The following MAOB variants were observed in gnomAD, a reference collection of about 807,000 sequenced individuals.
The protein encoded by MAOB is amine oxidase [flavin-containing] B.
Under a neutral mutation model 41.9 loss-of-function variants are expected in MAOB, and 15 were observed. The ratio of observed to expected loss-of-function variants is 0.36; its 90% CI spans 0.24 to 0.55. The LOEUF (loss-of-function observed/expected upper bound fraction) is 0.55. MAOB is among the 20% of genes least tolerant of loss of function. The pLI is 0.86. For missense variants in MAOB, 345 were observed against 398.7 expected, an observed-to-expected ratio of 0.87 and a Z score of 1.15; for synonymous variants, 167 against 144.2, an observed-to-expected ratio of 1.16 and a Z score of -1.13.
In MAOB at chrX:43,808,682, AT is replaced by A. The variant is rs1569218475; in HGVS notation, c.280-5279del. Among the ~76,000 whole-genome samples, 15 of 101,100 alleles carry A rather than the reference AT, an allele frequency of 1.5e-4. 1 individual carries two copies. The South Asian group carries it at 3.4e-3, about 23-fold the overall frequency. 87.8% of individuals were successfully genotyped at this position (101,100 alleles called of 115,157 possible). A position where few individuals can be genotyped will look rare whatever the true frequency, so the allele number is the denominator to read the frequency against. On this transcript the variant is annotated intron_variant, in intron 3 of 14. Coordinates refer to ENST00000378069, the MANE Select transcript of MAOB (RefSeq NM_000898.5). ...TATCTATATCTATATCTATATCTAT[AT>A]CTATATCTACACATAGACACACACA...
chrX:43,832,053 A>G (rs1366530524), intron 3 of MAOB, among the ~76,000 whole-genome samples: 1 of 112,113 alleles, frequency 8.9e-6, no homozygotes, highest in Non-Finnish European at 1.9e-5. Context: ...AAGCTGATCC[A>G]TTCCTGAATT....
intron 1 of MAOB, among the ~76,000 whole-genome samples, chrX:43,854,484 G>C (rs1258393105): frequency 2.7e-5 from 3 of 111,141 alleles, no homozygotes; most frequent in Admixed American, 9.6e-5. Context: ...GACACAGGGA[G>C]GGAAACATCA....
chrX:43,826,483 G>A (rs183369949), intron 3 of MAOB, among the ~76,000 whole-genome samples: 102 of 112,113 alleles, frequency 9.1e-4, no homozygotes, highest in African/African-American at 3.0e-3. Context: ...ATGCAGCAGT[G>A]GACAAAATGG....
At chrX:43,768,194 C>T (rs1431309211) in intron 14 of MAOB, among the ~76,000 whole-genome samples, 2 of 112,009 alleles carry the variant, frequency 1.8e-5, no homozygotes, top group African/African-American at 3.2e-5. Flanking sequence ...GCCAGGAAAA[C>T]TTCCTAGGAT....
At chrX:43,769,161 C>T in intron 13 of MAOB, 146 bp downstream of exon 13, 36 of 934,927 alleles carry the variant, frequency 3.9e-5, no homozygotes, top group Non-Finnish European at 5.0e-5. Context: ...GTTCACTTCA[C>T]CTGAGACAAT....
chrX:43,845,783 C>A (rs2035195739), intron 1 of MAOB, among the ~76,000 whole-genome samples: 1 of 112,368 alleles, frequency 8.9e-6, no homozygotes, highest in Non-Finnish European at 1.9e-5. Flanking sequence ...AATATGAGCC[C>A]ACATTAAAAA....
Position 43,868,661 on chromosome X carries a change from T to C in MAOB, c.46+13593A>G, listed in dbSNP as rs748581535. ...AAGGCCAGGAATATCATACCACCCA[T>C]GAATAAAACTAAAAAAGCTAGCAGA... On this transcript the variant is annotated intron_variant, in intron 1 of 14. Coordinates refer to ENST00000378069, the MANE Select transcript of MAOB (RefSeq NM_000898.5). Among the ~76,000 whole-genome samples the C allele has an allele frequency of 1.8e-3, 195 of 111,366 alleles. 1 individual carries two copies. Among genetic ancestry groups the C allele is most frequent in the African/African-American group, 6.1e-3 (187 of 30,618 alleles).
At chrX:43,792,927 G>A (rs1385014624) in intron 8 of MAOB, among the ~76,000 whole-genome samples, 1 of 111,938 alleles carries the variant, frequency 8.9e-6, no homozygotes, top group Non-Finnish European at 1.9e-5. Flanking sequence ...TGGAATCAAC[G>A]TAGGTGCCCA....
intron 3 of MAOB, among the ~76,000 whole-genome samples, chrX:43,818,498 T>A (rs1199720063): frequency 8.9e-6 from 1 of 112,290 alleles, no homozygotes; most frequent in African/African-American, 3.2e-5. Flanking sequence ...AAGTCCTGGA[T>A]GGATCCTTGC....
At position 43,846,984 on chromosome X, in the gene MAOB, C is replaced by T. The variant is rs776509455; in HGVS notation, c.47-3220G>A. Among the ~76,000 whole-genome samples, 9 of 112,193 alleles carry T rather than the reference C, an allele frequency of 8.0e-5. No individual in the cohort carries two copies. In the South Asian group the frequency reaches 3.0e-3, roughly 37 times the overall value. ...GCCTTAAAACATTAGACAATGTAAT[C>T]GCCACTGTTTAAACACTTATGCAAT... On this transcript the variant is annotated intron_variant, in intron 1 of 14. Coordinates refer to ENST00000378069, the MANE Select transcript of MAOB (RefSeq NM_000898.5).
At chrX:43,862,651 G>A (rs926491389) in intron 1 of MAOB, among the ~76,000 whole-genome samples, 4 of 112,077 alleles carry the variant, frequency 3.6e-5, no homozygotes, top group Admixed American at 9.5e-5. Flanking sequence ...ACCTGGGTGT[G>A]AAATCTGTAC....
At chrX:43,826,946 C>T (rs2034955010) in intron 3 of MAOB, among the ~76,000 whole-genome samples, 1 of 111,999 alleles carries the variant, frequency 8.9e-6, no homozygotes, top group South Asian at 3.8e-4. Flanking sequence ...ATGGAACTTG[C>T]CTTCTACCAG....
intron 3 of MAOB, among the ~76,000 whole-genome samples, chrX:43,805,238 T>G (rs183862318): frequency 9.0e-6 from 1 of 110,963 alleles, no homozygotes; most frequent in East Asian, 2.9e-4. Flanking sequence ...AGTTACCATG[T>G]TGTACAATAC....
intron 8 of MAOB, among the ~76,000 whole-genome samples, chrX:43,783,933 T>C (rs1050723981): frequency 3.6e-5 from 4 of 112,254 alleles, no homozygotes; most frequent in African/African-American, 1.3e-4. Flanking sequence ...AAATCCCTTC[T>C]TGTCATTTCA....
At chrX:43,840,508 G>A (rs1287511871) in intron 2 of MAOB, among the ~76,000 whole-genome samples, 1 of 111,243 alleles carries the variant, frequency 9.0e-6, no homozygotes, top group Non-Finnish European at 1.9e-5. Context: ...CAAGATGGTC[G>A]AATAGGAACA....
chrX:43,830,036 A>G (rs5952325), intron 3 of MAOB, among the ~76,000 whole-genome samples: 4,332 of 111,768 alleles, frequency 0.039, 166 homozygotes, highest in South Asian at 0.17. Flanking sequence ...ACAAGTTTAA[A>G]TAATATTTTG....
At position 43,832,252 on chromosome X, in the gene MAOB, T is replaced by G. The variant is rs151119235; in HGVS notation, c.279+6616A>C. On this transcript the variant is annotated intron_variant, in intron 3 of 14. Transcript: ENST00000378069. ...AGCTTTACTTGTTCATCAAGTACAATCATCTGGATAATCTGGAAGGCCAAC... is the reference window on the plus strand; with the variant it reads ...AGCTTTACTTGTTCATCAAGTACAAGCATCTGGATAATCTGGAAGGCCAAC... Among the ~76,000 whole-genome samples the G allele has an allele frequency of 3.4e-4, 38 of 112,294 alleles. No homozygotes were observed. In the East Asian group the frequency reaches 0.01, roughly 30 times the overall value.
chrX:43,838,777 T>C (rs2035098965), intron 3 of MAOB, 91 bp downstream of exon 3: 4 of 872,550 alleles, frequency 4.6e-6, no homozygotes, highest in Middle Eastern at 3.0e-4. Context: ...TCCAGAGATA[T>C]AGAAGATTCT....
intron 3 of MAOB, among the ~76,000 whole-genome samples, chrX:43,806,918 T>C (rs1296143544): frequency 1.8e-5 from 2 of 111,431 alleles, no homozygotes; most frequent in Non-Finnish European, 3.8e-5. Context: ...CCCATCCTTT[T>C]GTCTGTTGAG....
Sources: allele counts gnomAD v4.1 joint callset (sites outside exome capture counted in the v4.1 genomes callset), GRCh38; gene constraint gnomAD v4.1.1; transcripts MANE v1.5; gene names NCBI Gene and HGNC (gene_info 2026-07-23, HGNC 2026-07-21).